Variants in PRKN observed in about 807,000 individuals in gnomAD.
The protein encoded by PRKN is parkin RBR E3 ubiquitin protein ligase.
Under a neutral mutation model 59.5 loss-of-function variants are expected in PRKN, and 56 were observed. The observed-to-expected ratio is 0.94, with a 90% confidence interval of 0.76 to 1.18. PRKN has a LOEUF of 1.18. Ranked by LOEUF, PRKN falls within the 50% of genes most tolerant of loss-of-function variation. The probability of loss-of-function intolerance (pLI) is 0.00; values close to 1 mark genes in which losing one functional copy is unlikely to be tolerated. For missense variants in PRKN, 657 were observed against 596.4 expected (o/e 1.10, Z -1.06); for synonymous variants, 250 against 222.1 (o/e 1.13, Z -1.12).
intron 3 of PRKN, among the ~76,000 whole-genome samples, chr6:162,244,933 A>G (rs1188199369): frequency 6.6e-6 from 1 of 152,118 alleles, no homozygotes; most frequent in Non-Finnish European, 1.5e-5. Context: ...TTATGGCCCT[A>G]AGAGATAATG....
chr6:161,911,541 C>T (rs116362924), intron 6 of PRKN, among the ~76,000 whole-genome samples: 400 of 152,206 alleles, frequency 2.6e-3, no homozygotes, highest in African/African-American at 9.4e-3. Context: ...TTTATGTCCC[C>T]CAACCCTGGA....
chr6:161,715,516 T>A (rs1786937491), intron 7 of PRKN, among the ~76,000 whole-genome samples: 1 of 152,210 alleles, frequency 6.6e-6, no homozygotes, highest in South Asian at 2.1e-4. Flanking sequence ...GAGATTAGGT[T>A]AGTCATGATA....
At position 162,262,549 on chromosome 6, in the gene PRKN, C is replaced by T. The variant is rs1206232844; in HGVS notation, c.388G>A (p.Asp130Asn). The change falls in exon 3 of 12, where the codon GAC (aspartate) becomes AAC (asparagine). Residue 130 changes from aspartate (D) to asparagine (N), a missense_variant. Asp to Asn is a conservative substitution (Grantham distance 23). Coordinates refer to ENST00000366898, the MANE Select transcript of PRKN (RefSeq NM_004562.3). Reference protein sequence around the residue: ...AVILHTDSRKDSPPAGSPAGR... With the variant: ...AVILHTDSRKNSPPAGSPAGR... Reference sequence around the variant, plus strand: ...CCTGGACTTCCAGCTGGTGGTGAGTCCTTCCTGCTGTCAGTGTGCAGAATG... The same window carrying T: ...CCTGGACTTCCAGCTGGTGGTGAGTTCTTCCTGCTGTCAGTGTGCAGAATG... The T allele has an allele frequency of 3.1e-6, 5 of 1,613,998 alleles. No individual in the cohort carries two copies. Among genetic ancestry groups the T allele is most frequent in the Non-Finnish European group, 3.4e-6 (4 of 1,179,980 alleles).
intron 9 of PRKN, among the ~76,000 whole-genome samples, chr6:161,478,335 TC>T (rs1419172171): frequency 2.0e-5 from 3 of 152,214 alleles, no homozygotes; most frequent in African/African-American, 7.2e-5. Context: ...CAGTATGATT[TC>T]CACGGGAATG....
rs937802035 is a variant in PRKN at position 161,461,779 on chromosome 6, G to A, written c.1084-74902C>T. On this transcript the variant is annotated intron_variant, in intron 9 of 11. Coordinates refer to ENST00000366898, the MANE Select transcript of PRKN (RefSeq NM_004562.3). The surrounding 1 kb of genome is among the most constrained non-coding windows in gnomAD (Gnocchi z 5.1). ...GAAATGCTTATGAAAATTCCAAATG[G>A]AGGTATCCAGTAGGCAATGTGAAGT... Among the ~76,000 whole-genome samples the A allele has an allele frequency of 2.0e-5, 3 of 152,240 alleles. No individual in the cohort carries two copies. The highest frequency in any genetic ancestry group is 6.8e-3 in the Middle Eastern group (2 of 294).
intron 4 of PRKN, among the ~76,000 whole-genome samples, chr6:162,105,443 C>T (rs1780152741): frequency 6.6e-6 from 1 of 152,108 alleles, no homozygotes; most frequent in South Asian, 2.1e-4. Flanking sequence ...CTCTTATTAC[C>T]CAGCCTAGAG....
At chr6:162,113,385 A>C (rs1352268955) in intron 4 of PRKN, among the ~76,000 whole-genome samples, 1 of 152,214 alleles carries the variant, frequency 6.6e-6, no homozygotes, top group African/African-American at 2.4e-5. Flanking sequence ...TAAAGTCAAC[A>C]TTATGATCCA....
chr6:162,449,184 G>A (rs1169166232), intron 1 of PRKN, among the ~76,000 whole-genome samples: 2 of 152,198 alleles, frequency 1.3e-5, no homozygotes, highest in East Asian at 3.9e-4. Context: ...ACCACACCTG[G>A]CCCTCACTGG....
chr6:161,777,858 ATATATG>A (rs947656015), intron 7 of PRKN, among the ~76,000 whole-genome samples: 45 of 145,132 alleles, frequency 3.1e-4, no homozygotes, highest in Non-Finnish European at 5.1e-4. Context: ...ATATATGTGT[ATATATG>A]TATATGTATA....
intron 1 of PRKN, among the ~76,000 whole-genome samples, chr6:162,710,587 A>G (rs1403945564): frequency 2.0e-5 from 3 of 152,024 alleles, no homozygotes; most frequent in African/African-American, 7.3e-5. Flanking sequence ...GGCTTATTCA[A>G]TGTGGTGTTG....
At chr6:162,307,403 A>T (rs1483236031) in intron 2 of PRKN, among the ~76,000 whole-genome samples, 4 of 149,534 alleles carry the variant, frequency 2.7e-5, no homozygotes, top group Non-Finnish European at 5.9e-5. Flanking sequence ...GTCTCAATAA[A>T]AAAAAAAAAA....
At chr6:162,496,254 G>GA (rs1047950531) in intron 1 of PRKN, among the ~76,000 whole-genome samples, 2 of 151,790 alleles carry the variant, frequency 1.3e-5, no homozygotes, top group East Asian at 1.9e-4. Context: ...AAAAAAGAAA[G>GA]AAAAAAACAG....
At chr6:161,574,550 G>A (rs1253006460) in intron 7 of PRKN, among the ~76,000 whole-genome samples, 1 of 151,702 alleles carries the variant, frequency 6.6e-6, no homozygotes, top group Non-Finnish European at 1.5e-5. Flanking sequence ...TTTTTTCTTT[G>A]GGTGTTTGAT....
intron 5 of PRKN, among the ~76,000 whole-genome samples, chr6:162,023,333 T>G (rs1449818060): frequency 6.6e-6 from 1 of 152,132 alleles, no homozygotes; most frequent in African/African-American, 2.4e-5. Flanking sequence ...TTTCTTGCCT[T>G]GGTGTACCAG....
In PRKN at chr6:161,376,607, C is replaced by A. The variant is rs1246860283; in HGVS notation, c.1167+10187G>T. 2.6e-5 allele frequency among the ~76,000 whole-genome samples: 4 copies of A among 152,168 alleles called. No individual in the cohort carries two copies. The highest frequency in any genetic ancestry group is 6.5e-5 in the Admixed American group (1 of 15,276). Reference sequence around the variant, plus strand: ...TTTAGGGGGTGCTCTGCTCTGCTCCCAGTCCCACCACCTTGGGACTGAGGT... The same window carrying A: ...TTTAGGGGGTGCTCTGCTCTGCTCCAAGTCCCACCACCTTGGGACTGAGGT... On this transcript the variant is annotated intron_variant, in intron 10 of 11. Transcript: ENST00000366898. This position sits in a 1 kb window ranked among gnomAD's most constrained non-coding sequence, Gnocchi z 7.3.
intron 2 of PRKN, among the ~76,000 whole-genome samples, chr6:162,414,906 T>C (rs1489262776): frequency 6.6e-6 from 1 of 152,088 alleles, no homozygotes; most frequent in Non-Finnish European, 1.5e-5. Context: ...AGGCACTGTA[T>C]ATTTTTATAA....
At chr6:161,657,698 C>T (rs995438001) in intron 7 of PRKN, among the ~76,000 whole-genome samples, 22 of 152,028 alleles carry the variant, frequency 1.4e-4, no homozygotes, top group Non-Finnish European at 2.5e-4. Flanking sequence ...TAAATTGGTT[C>T]CCCATCTAGA....
chr6:162,402,591 T>C (rs1472425064), intron 2 of PRKN, among the ~76,000 whole-genome samples: 1 of 151,932 alleles, frequency 6.6e-6, no homozygotes. Flanking sequence ...TAAAGCACTA[T>C]ACAATAAATC....
intron 6 of PRKN, among the ~76,000 whole-genome samples, chr6:161,855,384 C>T (rs560671678): frequency 1.3e-4 from 20 of 152,292 alleles, no homozygotes; most frequent in Non-Finnish European, 2.5e-4. Flanking sequence ...TCCATCTCAG[C>T]TTTCTTCTTC....
Sources: allele counts gnomAD v4.1 joint callset (sites outside exome capture counted in the v4.1 genomes callset), GRCh38; gene constraint gnomAD v4.1.1; non-coding constraint Gnocchi (gnomAD v3.1); transcripts MANE v1.5; gene names NCBI Gene and HGNC (gene_info 2026-07-23, HGNC 2026-07-21).